The following MID1 variants were observed in gnomAD, a reference collection of about 807,000 sequenced individuals.
The protein encoded by MID1 is E3 ubiquitin-protein ligase Midline-1.
A neutral mutation model predicts 40.4 loss-of-function variants in MID1; 7 were observed. That is an observed-to-expected ratio of 0.17 (90% CI 0.10 to 0.33). MID1 has a LOEUF of 0.33. Among genes scored for constraint, MID1 ranks in the 10% least tolerant of loss-of-function variants. The pLI is 1.00. For synonymous variants in MID1, 229 were observed against 221.2 expected (o/e 1.04, Z -0.31); for missense variants, 367 against 558.5 (o/e 0.66, Z 3.46).
chrX:10,485,157 G>T (rs1930551925), intron 4 of MID1, among the ~76,000 whole-genome samples: 1 of 111,536 alleles, frequency 9.0e-6, no homozygotes, highest in Admixed American at 9.5e-5. Context: ...GCAGAAGTGA[G>T]TTGCTGCAAC....
In MID1 at chrX:10,448,215, A is replaced by G. The variant is rs1389222927; in HGVS notation, c.*1153T>C. ...GTTTAATAAAGGTCTGTTTATAATA[A>G]CTTTTGAGGCATGAATCTAGCAAAT... On this transcript the variant is annotated 3_prime_UTR_variant, in exon 10 of 10. Transcript: ENST00000317552. The G allele has an allele frequency of 1.8e-5, 2 of 110,897 alleles. No homozygotes were observed. The highest frequency in any genetic ancestry group is 3.8e-5 in the Non-Finnish European group (2 of 52,971). The allele number at this position is 110,897 out of a possible 1,213,427, so 9.1% of individuals were successfully genotyped here.
At chrX:10,453,855 G>A (rs1436526866) in intron 9 of MID1, among the ~76,000 whole-genome samples, 1 of 112,019 alleles carries the variant, frequency 8.9e-6, no homozygotes, top group Non-Finnish European at 1.9e-5. Flanking sequence ...GTGATCTTCA[G>A]CATATACCTC....
Position 10,750,558 on chromosome X carries a change from G to T in MID1, c.-187+82996C>A, listed in dbSNP as rs192938321. 4.5e-3 allele frequency among the ~76,000 whole-genome samples: 503 copies of T among 110,859 alleles called. 5 individuals carry two copies. The highest frequency in any genetic ancestry group is 0.016 in the African/African-American group (477 of 30,435). On this transcript the variant is annotated intron_variant, in intron 1 of 10. Coordinates refer to the MID1 transcript ENST00000380785. The stretch of plus-strand genomic sequence containing the variant: ...AGGCACGAGAATTGCTGGAACCTGG[G>T]AGGAGGAGGTTGCAGTGAGCTGAGA...
chrX:10,750,588 G>A (rs933970231), intron 1 of MID1, among the ~76,000 whole-genome samples: 1 of 110,099 alleles, frequency 9.1e-6, no homozygotes, highest in East Asian at 2.8e-4. Flanking sequence ...CTGAGATCAC[G>A]CCACTGCACT....
At chrX:10,728,390 A>G (rs1433033153) in intron 1 of MID1, among the ~76,000 whole-genome samples, 1 of 111,999 alleles carries the variant, frequency 8.9e-6, no homozygotes, top group Non-Finnish European at 1.9e-5. Context: ...ACACAGTTCA[A>G]TAAACGTTTA....
intron 1 of MID1, among the ~76,000 whole-genome samples, chrX:10,825,892 G>A (rs1237892813): frequency 1.8e-5 from 2 of 111,393 alleles, no homozygotes; most frequent in Non-Finnish European, 3.8e-5. Context: ...CACATGTAGG[G>A]CATTTGACCA....
intron 1 of MID1, among the ~76,000 whole-genome samples, chrX:10,584,860 T>G: frequency 9.0e-6 from 1 of 111,131 alleles, no homozygotes; most frequent in South Asian, 3.8e-4. Context: ...TTTATTCGGC[T>G]GGGGGCATCG....
chrX:10,560,695 C>T (rs1602405002), intron 2 of MID1, among the ~76,000 whole-genome samples: 1 of 110,875 alleles, frequency 9.0e-6, no homozygotes, highest in Non-Finnish European at 1.9e-5. Flanking sequence ...AGGAGAACTA[C>T]AAACAACTGC....
chrX:10,811,415 T>A (rs1035809503), intron 1 of MID1, among the ~76,000 whole-genome samples: 1 of 112,375 alleles, frequency 8.9e-6, no homozygotes, highest in African/African-American at 3.2e-5. Context: ...AATTCCTGTT[T>A]TACGGATGAG....
chrX:10,504,618 A>T (rs1931732712), intron 3 of MID1, among the ~76,000 whole-genome samples: 1 of 111,698 alleles, frequency 9.0e-6, no homozygotes, highest in Non-Finnish European at 1.9e-5. Flanking sequence ...TGGAAGCTAT[A>T]ACATGAGGCT....
At chrX:10,723,383 A>T (rs2043370359) in intron 1 of MID1, among the ~76,000 whole-genome samples, 1 of 112,339 alleles carries the variant, frequency 8.9e-6, no homozygotes, top group Admixed American at 9.4e-5. Context: ...CTGAGCCCCC[A>T]TATGACATTC....
intron 1 of MID1, among the ~76,000 whole-genome samples, chrX:10,681,942 T>C (rs1366439017): frequency 8.9e-6 from 1 of 112,058 alleles, no homozygotes; most frequent in Non-Finnish European, 1.9e-5. Context: ...TGAATAAACC[T>C]TTGTGTAAAA....
intron 1 of MID1, among the ~76,000 whole-genome samples, chrX:10,615,268 A>C (rs1462682299): frequency 8.9e-6 from 1 of 112,138 alleles, no homozygotes; most frequent in Non-Finnish European, 1.9e-5. Context: ...CCAGATCAAA[A>C]GTTCTTTGAG....
intron 1 of MID1, among the ~76,000 whole-genome samples, chrX:10,804,299 C>T (rs1051163600): frequency 6.2e-5 from 7 of 112,164 alleles, no homozygotes; most frequent in African/African-American, 2.3e-4. Context: ...TGCTTTATCT[C>T]TTCAGATTGT....
intron 5 of MID1, among the ~76,000 whole-genome samples, chrX:10,481,089 C>T (rs914347185): frequency 1.8e-5 from 2 of 112,076 alleles, no homozygotes; most frequent in Non-Finnish European, 3.8e-5. Context: ...GTTTTATTGG[C>T]ACACAGCCAC....
intron 1 of MID1, among the ~76,000 whole-genome samples, chrX:10,764,202 T>A (rs998504830): frequency 1.8e-5 from 2 of 112,078 alleles, no homozygotes; most frequent in Non-Finnish European, 3.8e-5. Context: ...TGGCTTTTGT[T>A]GCCATTGCTT....
intron 8 of MID1, among the ~76,000 whole-genome samples, chrX:10,458,291 T>A (rs1241766228): frequency 1.8e-5 from 2 of 112,256 alleles, no homozygotes; most frequent in Non-Finnish European, 3.8e-5. Context: ...TAGAATTACT[T>A]TGAGAGGGTC....
intron 3 of MID1, among the ~76,000 whole-genome samples, chrX:10,504,078 A>C (rs1931696941): frequency 1.8e-5 from 2 of 111,798 alleles, no homozygotes; most frequent in Admixed American, 1.9e-4. Context: ...AAAATAATTT[A>C]GAGGGAGCAA....
At chrX:10,719,735 A>G (rs2043334557) in intron 1 of MID1, among the ~76,000 whole-genome samples, 4 of 110,568 alleles carry the variant, frequency 3.6e-5, no homozygotes, top group African/African-American at 1.3e-4. Flanking sequence ...AGCCCGCATC[A>G]CCAAGTCAAT....
Sources: allele counts gnomAD v4.1 joint callset (sites outside exome capture counted in the v4.1 genomes callset), GRCh38; gene constraint gnomAD v4.1.1; transcripts MANE v1.5; gene names NCBI Gene and HGNC (gene_info 2026-07-23, HGNC 2026-07-21).